Variants in TRPC1 observed in about 807,000 individuals in gnomAD.
The protein encoded by TRPC1 is transient receptor potential cation channel subfamily C member 1, also known as short transient receptor potential channel 1.
Under a neutral mutation model 88.2 loss-of-function variants are expected in TRPC1, and 42 were observed. The ratio of observed to expected loss-of-function variants is 0.48; its 90% CI spans 0.37 to 0.62. TRPC1 has a LOEUF of 0.62. Among genes scored for constraint, TRPC1 ranks in the 20% least tolerant of loss-of-function variants. The pLI is 0.00. For synonymous variants in TRPC1, 288 were observed against 331.8 expected, an observed-to-expected ratio of 0.87 and a Z score of 1.43; for missense variants, 699 against 957.3, an observed-to-expected ratio of 0.73 and a Z score of 3.56.
chr3:142,795,033 CA>C (rs1198819436), intron 9 of TRPC1, among the ~76,000 whole-genome samples: 1 of 151,770 alleles, frequency 6.6e-6, no homozygotes, highest in Non-Finnish European at 1.5e-5. Context: ...AAAAAAACAC[CA>C]AATTAAACTT....
intron 5 of TRPC1, among the ~76,000 whole-genome samples, chr3:142,778,060 C>T (rs1935842883): frequency 6.6e-6 from 1 of 152,116 alleles, no homozygotes; most frequent in Admixed American, 6.5e-5. Flanking sequence ...AGGATTATAG[C>T]CTAAAGCAGG....
At chr3:142,793,742 C>T (rs1936366827) in intron 9 of TRPC1, 1 of 618,944 alleles carries the variant, frequency 1.6e-6, no homozygotes, top group Non-Finnish European at 2.0e-6. Flanking sequence ...GAACAATATT[C>T]ATTTTTCCTT....
rs2108172935 is a variant in TRPC1 at position 142,806,805 on chromosome 3, A to C, written c.*570A>C. ...ATATTTGAATCTATTTATGTCTTTC[A>C]ATTTAAATTCACTTCAGTTTTTGTT... On this transcript the variant is annotated 3_prime_UTR_variant, in exon 13 of 13. Coordinates refer to ENST00000476941, the MANE Select transcript of TRPC1 (RefSeq NM_001251845.2). The C allele has an allele frequency of 6.6e-6, 1 of 152,118 alleles. No homozygotes were observed. The highest frequency in any genetic ancestry group is 2.4e-5 in the African/African-American group (1 of 41,570). 9.4% of individuals were successfully genotyped at this position (152,118 alleles called of 1,614,324 possible). A position where few individuals can be genotyped will look rare whatever the true frequency, so the allele number is the denominator to read the frequency against.
intron 6 of TRPC1, among the ~76,000 whole-genome samples, chr3:142,783,691 C>T (rs1577995278): frequency 6.6e-6 from 1 of 152,132 alleles, no homozygotes; most frequent in Non-Finnish European, 1.5e-5. Context: ...CAATAAACAA[C>T]AAAACTCTGT....
At chr3:142,770,189 T>C (rs1201224154) in intron 4 of TRPC1, among the ~76,000 whole-genome samples, 1 of 146,906 alleles carries the variant, frequency 6.8e-6, no homozygotes, top group Non-Finnish European at 1.5e-5. Context: ...CTCTGCCTCC[T>C]GGGTTCAAGT....
chr3:142,748,178 TTTTCA>T (rs1934626242), intron 3 of TRPC1, 75 bp from the exon 4 acceptor site: 1 of 1,278,644 alleles, frequency 7.8e-7, no homozygotes, highest in Admixed American at 2.2e-5. Flanking sequence ...CCTTCCTATT[TTTTCA>T]TTTCATTCTT....
chr3:142,763,983 T>TATATATATATATATATATATATATATAC (rs1441314374), intron 4 of TRPC1, among the ~76,000 whole-genome samples: 5 of 74,324 alleles, frequency 6.7e-5, no homozygotes, highest in East Asian at 6.0e-4. Flanking sequence ...TATATATATA[T>TATATATATATATATATATATATATATAC]ACACATACAT....
intron 1 of TRPC1, among the ~76,000 whole-genome samples, chr3:142,725,170 T>C (rs2107999300): frequency 6.6e-6 from 1 of 152,348 alleles, no homozygotes; most frequent in Non-Finnish European, 1.5e-5. Flanking sequence ...TATGGAGGGT[T>C]CTCATCACCT....
intron 1 of TRPC1, among the ~76,000 whole-genome samples, chr3:142,735,843 C>G (rs1186415236): frequency 6.6e-6 from 1 of 152,046 alleles, no homozygotes; most frequent in East Asian, 1.9e-4. Flanking sequence ...TTTCCCTTTA[C>G]TATACATATC....
intron 9 of TRPC1, among the ~76,000 whole-genome samples, 174 bp downstream of exon 9, chr3:142,793,141 G>A (rs1936343790): frequency 1.3e-5 from 2 of 152,136 alleles, no homozygotes; most frequent in South Asian, 4.1e-4. Context: ...CTGGCTCAGT[G>A]ATAATCCTTT....
At chr3:142,740,744 G>A (rs1372658675) in intron 2 of TRPC1, among the ~76,000 whole-genome samples, 2 of 152,282 alleles carry the variant, frequency 1.3e-5, no homozygotes, top group South Asian at 2.1e-4. Flanking sequence ...CAGTAGAATT[G>A]GAGAAATGAT....
chr3:142,749,553 T>C (rs7647291), intron 4 of TRPC1, among the ~76,000 whole-genome samples: 74,788 of 151,856 alleles, frequency 0.49, 20,229 homozygotes, highest in African/African-American at 0.73. Context: ...CATCCTAGGC[T>C]TAAACTAATG....
chr3:142,775,156 C>A (rs1201029255), intron 4 of TRPC1, among the ~76,000 whole-genome samples: 3 of 151,964 alleles, frequency 2.0e-5, no homozygotes, highest in African/African-American at 7.3e-5. Flanking sequence ...TAGATCATAA[C>A]TGAATTTCAT....
At chr3:142,746,407 T>C (rs1254918023) in intron 3 of TRPC1, among the ~76,000 whole-genome samples, 1 of 152,182 alleles carries the variant, frequency 6.6e-6, no homozygotes, top group Non-Finnish European at 1.5e-5. Context: ...AGGGATTAAA[T>C]ATATTTTATT....
At chr3:142,733,877 G>C (rs1934026848) in intron 1 of TRPC1, among the ~76,000 whole-genome samples, 1 of 152,194 alleles carries the variant, frequency 6.6e-6, no homozygotes. Context: ...CACTATGGCT[G>C]CTCCATGGGT....
chr3:142,748,286 A>C lies in TRPC1; in HGVS notation c.458A>C (p.Glu153Ala). The change falls in exon 4 of 13, where the codon GAG becomes GCG. Residue 153 changes from glutamate (E) to alanine (A), a missense_variant. Transcript: ENST00000476941. ...VKLMERIQNP[E>A]YSTTMDVAPV... Reference sequence around the variant, plus strand: ...CTAATGGAACGAATTCAGAATCCTGAGTATTCAACAACTATGGATGTTGCA... The same window carrying C: ...CTAATGGAACGAATTCAGAATCCTGCGTATTCAACAACTATGGATGTTGCA... 1 of 1,613,996 alleles carries C rather than the reference A, an allele frequency of 6.2e-7. No homozygotes were observed. Among genetic ancestry groups the C allele is most frequent in the Non-Finnish European group, 8.5e-7 (1 of 1,179,866 alleles).
intron 4 of TRPC1, among the ~76,000 whole-genome samples, chr3:142,771,814 C>G (rs1035384644): frequency 6.6e-6 from 1 of 152,024 alleles, no homozygotes; most frequent in Non-Finnish European, 1.5e-5. Flanking sequence ...TTGCTTTCAG[C>G]CTGATGAACT....
intron 4 of TRPC1, among the ~76,000 whole-genome samples, chr3:142,749,654 G>A (rs1934681777): frequency 6.6e-6 from 1 of 152,002 alleles, no homozygotes; most frequent in African/African-American, 2.4e-5. Flanking sequence ...GAGGCATCAC[G>A]CTACCTGACT....
chr3:142,806,260 T>A lies in TRPC1; in HGVS notation c.*25T>A, dbSNP rs747853984. On this transcript the variant is annotated 3_prime_UTR_variant, in exon 13 of 13. Coordinates refer to ENST00000476941, the MANE Select transcript of TRPC1 (RefSeq NM_001251845.2). ...ACCATTTTCTAAATCATGGAGCGAA[T>A]AATTTTCAATAACAGATCCAAAAGA... 2 of 1,559,824 alleles carry A rather than the reference T, an allele frequency of 1.3e-6. No homozygotes were observed. The highest frequency in any genetic ancestry group is 2.7e-5 in the African/African-American group (2 of 73,442).
Sources: gnomAD v4.1 joint callset for allele counts (sites outside exome capture counted in the v4.1 genomes callset) on GRCh38, gnomAD v4.1.1 for gene constraint, MANE v1.5 for transcripts, NCBI Gene and HGNC (gene_info 2026-07-23, HGNC 2026-07-21) for gene names.